The following CRADD variants were observed in gnomAD, a reference collection of about 807,000 sequenced individuals.
CRADD encodes the protein CARD and death domain containing adaptor protein, also known as death domain-containing protein CRADD.
In CRADD, 9 loss-of-function variants were observed where a neutral mutation model predicts 15.5. That is an observed-to-expected ratio of 0.58 (90% CI 0.35 to 1.01). CRADD has a LOEUF of 1.01. Among genes scored for constraint, CRADD ranks in the 50% least tolerant of loss-of-function variants. CRADD has a pLI of 0.02. For synonymous variants in CRADD, 118 were observed against 107.6 expected (o/e 1.10, Z -0.60); for missense variants, 227 against 250.3 (o/e 0.91, Z 0.63).
In CRADD at chr12:93,744,208, C is replaced by A. The variant is rs188285121; in HGVS notation, c.298+65136C>A. On this transcript the variant is annotated intron_variant, in intron 2 of 2. Transcript: ENST00000332896. Reference sequence around the variant, plus strand: ...AAGTAAAGGGAGCAGCAGGCCTGGACTTGTACCTGTAGGCCTTCCAGGGGA... The same window carrying A: ...AAGTAAAGGGAGCAGCAGGCCTGGAATTGTACCTGTAGGCCTTCCAGGGGA... Among the ~76,000 whole-genome samples the A allele has an allele frequency of 2.0e-5, 3 of 152,318 alleles. No individual in the cohort carries two copies. The East Asian group carries it at 5.8e-4, about 29-fold the overall frequency.
intron 2 of CRADD, among the ~76,000 whole-genome samples, chr12:93,807,877 G>A (rs1957558857): frequency 6.6e-6 from 1 of 151,416 alleles, no homozygotes; most frequent in South Asian, 2.1e-4. Context: ...TGGAAAACAG[G>A]CCTGGGGATC....
At chr12:93,819,866 T>A (rs1040682151) in intron 2 of CRADD, among the ~76,000 whole-genome samples, 3 of 152,204 alleles carry the variant, frequency 2.0e-5, no homozygotes, top group African/African-American at 7.2e-5. Context: ...CAAAGAATAC[T>A]CCAGATTTCG....
At chr12:93,713,036 T>C (rs1036395645) in intron 2 of CRADD, among the ~76,000 whole-genome samples, 3 of 152,126 alleles carry the variant, frequency 2.0e-5, no homozygotes, top group African/African-American at 7.2e-5. Flanking sequence ...ATAGAATCTT[T>C]TTTGTGTGTG....
At chr12:93,773,828 T>C (rs1957112225) in intron 2 of CRADD, among the ~76,000 whole-genome samples, 1 of 145,500 alleles carries the variant, frequency 6.9e-6, no homozygotes, top group Non-Finnish European at 1.5e-5. Flanking sequence ...TTTTTTTTTT[T>C]TTTTTTTGAG....
chr12:93,878,811 T>G (rs1326520289), intron 2 of CRADD, among the ~76,000 whole-genome samples: 1 of 152,134 alleles, frequency 6.6e-6, no homozygotes, highest in Non-Finnish European at 1.5e-5. Flanking sequence ...TCAAGACTGT[T>G]TTTTCTATCT....
rs187643491 is a variant in CRADD at position 93,818,992 on chromosome 12, C to T, written c.299-30978C>T. On this transcript the variant is annotated intron_variant, in intron 2 of 2. Coordinates refer to ENST00000332896, the MANE Select transcript of CRADD (RefSeq NM_003805.5). ...TCAGCAGCAAGAAAGAACAATTAGCCAATTCATTATGTTGACATTTCTAGC... is the reference window on the plus strand; with the variant it reads ...TCAGCAGCAAGAAAGAACAATTAGCTAATTCATTATGTTGACATTTCTAGC... Among the ~76,000 whole-genome samples the T allele has an allele frequency of 3.4e-4, 52 of 152,330 alleles. No homozygotes were observed. The East Asian group carries it at 6.8e-3, about 20-fold the overall frequency.
chr12:93,770,156 C>T (rs951857386), intron 2 of CRADD, among the ~76,000 whole-genome samples: 8 of 135,440 alleles, frequency 5.9e-5, no homozygotes, highest in Non-Finnish European at 1.2e-4. Flanking sequence ...AGTGCAGTGG[C>T]GCAATCTCGG....
At chr12:93,725,008 C>T (rs1335263120) in intron 2 of CRADD, among the ~76,000 whole-genome samples, 1 of 152,072 alleles carries the variant, frequency 6.6e-6, no homozygotes, top group African/African-American at 2.4e-5. Context: ...CTTCAGGCAC[C>T]CGCCACCACG....
intron 2 of CRADD, among the ~76,000 whole-genome samples, chr12:93,686,631 G>A (rs1012365471): frequency 6.6e-6 from 1 of 152,218 alleles, no homozygotes; most frequent in African/African-American, 2.4e-5. Context: ...TCAGCAAGAT[G>A]GAGCCATATC....
chr12:93,825,444 TAAGAGTAA>T (rs1421281467), intron 2 of CRADD, among the ~76,000 whole-genome samples: 1 of 152,202 alleles, frequency 6.6e-6, no homozygotes, highest in Admixed American at 6.5e-5. Context: ...GCGATGGCTT[TAAGAGTAA>T]AAGTGTTTCC....
intron 2 of CRADD, among the ~76,000 whole-genome samples, chr12:93,868,285 G>A (rs1958387719): frequency 1.3e-5 from 2 of 152,130 alleles, no homozygotes; most frequent in African/African-American, 4.8e-5. Context: ...TGGTGCTACA[G>A]ACTCAAATAT....
intron 2 of CRADD, among the ~76,000 whole-genome samples, chr12:93,818,384 C>A (rs1957732851): frequency 6.6e-6 from 1 of 152,244 alleles, no homozygotes; most frequent in Admixed American, 6.5e-5. Flanking sequence ...TCCCTAGCCC[C>A]TTCCCAGGGG....
At chr12:93,806,451 CAA>C (rs59372325) in intron 2 of CRADD, among the ~76,000 whole-genome samples, 608 of 59,206 alleles carry the variant, frequency 0.01, 4 homozygotes, top group East Asian at 0.038. Context: ...GACTCCATCT[CAA>C]AAAAAAAAAA....
intron 2 of CRADD, among the ~76,000 whole-genome samples, chr12:93,785,381 G>T (rs1421013325): frequency 6.6e-6 from 1 of 152,174 alleles, no homozygotes; most frequent in South Asian, 2.1e-4. Context: ...AAAGGGTAGT[G>T]GCTTGAGTCA....
At chr12:93,805,639 T>G (rs1957528899) in intron 2 of CRADD, among the ~76,000 whole-genome samples, 1 of 152,096 alleles carries the variant, frequency 6.6e-6, no homozygotes, top group Non-Finnish European at 1.5e-5. Flanking sequence ...GAAACCCTCC[T>G]TCTCCTTCCC....
intron 2 of CRADD, among the ~76,000 whole-genome samples, chr12:93,789,200 C>G (rs948354738): frequency 2.0e-5 from 3 of 151,818 alleles, no homozygotes; most frequent in African/African-American, 7.3e-5. Context: ...AGTGTTTCTC[C>G]CCAAGCAGAG....
intron 1 of CRADD, chr12:93,677,910 G>C (rs1025298343): frequency 1.3e-5 from 2 of 152,588 alleles, no homozygotes; most frequent in Non-Finnish European, 2.9e-5. Context: ...TGTCATCCCT[G>C]CCTGCCTTCC....
At chr12:93,691,767 A>G (rs529672032) in intron 2 of CRADD, among the ~76,000 whole-genome samples, 24 of 152,310 alleles carry the variant, frequency 1.6e-4, no homozygotes, top group African/African-American at 5.8e-4. Context: ...CTGTCACACT[A>G]GCTGGTCTGT....
At chr12:93,771,478 T>A (rs1261246236) in intron 2 of CRADD, among the ~76,000 whole-genome samples, 1 of 152,252 alleles carries the variant, frequency 6.6e-6, no homozygotes, top group Non-Finnish European at 1.5e-5. Flanking sequence ...TAATAATTGC[T>A]CTTTCTATAC....
Sources: gnomAD v4.1 joint callset for allele counts (sites outside exome capture counted in the v4.1 genomes callset) on GRCh38, gnomAD v4.1.1 for gene constraint, MANE v1.5 for transcripts, NCBI Gene and HGNC (gene_info 2026-07-23, HGNC 2026-07-21) for gene names.